Variants in DSCC1 observed in about 807,000 individuals in gnomAD.
The protein encoded by DSCC1 is DNA replication and sister chromatid cohesion 1.
DSCC1 carries 32 observed loss-of-function variants against 48.2 expected under a neutral mutation model. That is an observed-to-expected ratio of 0.66 (90% CI 0.50 to 0.89). The LOEUF is 0.89. Among genes scored for constraint, DSCC1 ranks in the 40% least tolerant of loss-of-function variants. DSCC1 has a pLI of 0.00. For missense variants in DSCC1, 421 were observed against 471.7 expected (o/e 0.89, Z 1.00); for synonymous variants, 150 against 171.5 (o/e 0.87, Z 0.98).
chr8:119,851,254 G>A (rs890622558), intron 2 of DSCC1, among the ~76,000 whole-genome samples: 1 of 152,200 alleles, frequency 6.6e-6, no homozygotes, highest in African/African-American at 2.4e-5. Context: ...TGGAAGGACA[G>A]GGGATGCTTC....
intron 4 of DSCC1, among the ~76,000 whole-genome samples, chr8:119,846,554 A>AT (rs1383628819): frequency 6.6e-6 from 1 of 152,218 alleles, no homozygotes; most frequent in Non-Finnish European, 1.5e-5. Context: ...AGAAAGACAA[A>AT]TATCACCATC....
intron 2 of DSCC1, chr8:119,852,778 A>C (rs772583901): frequency 1.4e-5 from 4 of 278,942 alleles, no homozygotes; most frequent in Non-Finnish European, 2.6e-5. Flanking sequence ...TTTTAGAATG[A>C]CTCATTGAAT....
intron 4 of DSCC1, among the ~76,000 whole-genome samples, chr8:119,846,735 T>C (rs1018983019): frequency 1.3e-5 from 2 of 152,082 alleles, no homozygotes; most frequent in African/African-American, 4.8e-5. Flanking sequence ...GCTAATTTTG[T>C]ATTTTTAGTA....
In DSCC1 at chr8:119,834,771, A is replaced by G; in HGVS notation, c.*122T>C. ...CAGTAGTTTCAAAATGCTTAAGATG[A>G]GGAGAAAAATGCCTTAGAAGACTAG... On this transcript the variant is annotated 3_prime_UTR_variant, in exon 9 of 9. Transcript: ENST00000313655. The G allele has an allele frequency of 1.5e-6, 1 of 686,096 alleles. No homozygotes were observed. The highest frequency in any genetic ancestry group is 2.6e-6 in the Non-Finnish European group (1 of 386,132). 42.5% of individuals were successfully genotyped at this position (686,096 alleles called of 1,614,324 possible).
intron 3 of DSCC1, among the ~76,000 whole-genome samples, chr8:119,847,662 TTTTTC>T (rs761472726): frequency 1.5e-4 from 8 of 53,424 alleles, no homozygotes; most frequent in Admixed American, 4.6e-4. Context: ...TTTTTTCTTC[TTTTTC>T]TTTTTTTTTT....
Position 119,838,294 on chromosome 8 carries a change from C to T in DSCC1, c.1038G>A (p.Glu346=). The T allele has an allele frequency of 6.2e-7, 1 of 1,603,566 alleles. No homozygotes were observed. Among genetic ancestry groups the T allele is most frequent in the South Asian group, 1.1e-5 (1 of 87,548 alleles). ...ERFNSLFSLR[E]KWTEEDIAPY... is the part of the protein sequence containing the mutation. ...GAGCAATATCTTCTTCTGTCCACTT[C>T]TCCCTTAGAGAGAAAAGGCTATTAA... The change falls in exon 8 of 9, where the codon GAG becomes GAA. Residue 346 remains glutamate, a synonymous_variant. Transcript: ENST00000313655.
chr8:119,850,124 A>G (rs1300451974), intron 3 of DSCC1, among the ~76,000 whole-genome samples: 1 of 152,158 alleles, frequency 6.6e-6, no homozygotes, highest in Non-Finnish European at 1.5e-5. Context: ...TACTCTAGAA[A>G]AATTAAAAAG....
At chr8:119,853,933 A>T (rs1826977284) in intron 1 of DSCC1, among the ~76,000 whole-genome samples, 1 of 152,240 alleles carries the variant, frequency 6.6e-6, no homozygotes, top group Non-Finnish European at 1.5e-5. Context: ...GAAAAGCAAG[A>T]ACGCAGTGGC....
chr8:119,849,606 T>C (rs1327142077), intron 3 of DSCC1, among the ~76,000 whole-genome samples: 1 of 152,192 alleles, frequency 6.6e-6, no homozygotes, highest in East Asian at 1.9e-4. Flanking sequence ...AAGAAAGTGG[T>C]ACTGGAAGGT....
In DSCC1 at chr8:119,838,351, T is replaced by C; in HGVS notation, c.981A>G (p.Val327=). 2 of 1,609,932 alleles carry C rather than the reference T, an allele frequency of 1.2e-6. No individual in the cohort carries two copies. Among genetic ancestry groups the C allele is most frequent in the Non-Finnish European group, 1.7e-6 (2 of 1,178,438 alleles). The change falls in exon 8 of 9, where the codon GTA becomes GTG. Residue 327 remains valine (V), a synonymous_variant. Transcript: ENST00000313655. ...CCTGATTATCCTCAGGTAAATCATC[T>C]ACTTTCAGCAAAAATATGATTTCTG... ...SRPEIIFLLK[V]DDLPEDNQER... is the part of the protein sequence containing the mutation.
rs776202365 is a variant in DSCC1, at chr8:119,838,351, T to G, written c.981A>C (p.Val327=). The change falls in exon 8 of 9, where the codon GTA becomes GTC. Residue 327 remains valine (V), a synonymous_variant. Coordinates refer to ENST00000313655, the MANE Select transcript of DSCC1 (RefSeq NM_024094.3). ...SRPEIIFLLK[V]DDLPEDNQER... ...CCTGATTATCCTCAGGTAAATCATC[T>G]ACTTTCAGCAAAAATATGATTTCTG... 1.2e-6 allele frequency: 2 copies of G among 1,609,932 alleles called. No homozygotes were observed. The highest frequency in any genetic ancestry group is 1.7e-6 in the Non-Finnish European group (2 of 1,178,438).
At position 119,844,714 on chromosome 8, in the gene DSCC1, T is replaced by C. The variant is rs572132867; in HGVS notation, c.578-967A>G. On this transcript the variant is annotated intron_variant, in intron 4 of 8. Transcript: ENST00000313655. ...TAAAGGCACATACCATGGCACCCCC[T>C]CTCTCCAGTGCTTTGACATTCAGTT... Among the ~76,000 whole-genome samples, 135 of 151,980 alleles carry C rather than the reference T, an allele frequency of 8.9e-4. 1 individual carries two copies. Among genetic ancestry groups the C allele is most frequent in the African/African-American group, 3.0e-3 (126 of 41,478 alleles).
chr8:119,842,863 A>G, intron 5 of DSCC1, 35 bp from the exon 6 acceptor site: 2 of 1,568,632 alleles, frequency 1.3e-6, no homozygotes, highest in East Asian at 2.3e-5. Context: ...GAAAAGTTAT[A>G]AGCATTTTTA....
At chr8:119,848,714 C>T (rs557608035) in intron 3 of DSCC1, among the ~76,000 whole-genome samples, 1 of 152,218 alleles carries the variant, frequency 6.6e-6, no homozygotes, top group Admixed American at 6.5e-5. Flanking sequence ...TAGAAGTTAC[C>T]CAAATGTCTA....
At position 119,855,740 on chromosome 8, in the gene DSCC1, G is replaced by C; in HGVS notation, c.56C>G (p.Ala19Gly). ...GTGCACCGCCGGCAGCAGCTCGGCC[G>C]CATTCAGCTTGGCGATCTGCAGCGT... ...DATLQIAKLNAAELLPAVHCL... is the reference protein window; with the variant it reads ...DATLQIAKLNGAELLPAVHCL... Residue 19 changes from alanine (A) to glycine (G), a missense_variant, in exon 1 of 9, where the codon GCG becomes GGG. Ala to Gly is a moderately conservative substitution (Grantham distance 60, BLOSUM62 0). Transcript: ENST00000313655. 6.3e-7 allele frequency: 1 copy of C among 1,577,940 alleles called. No individual in the cohort carries two copies. The highest frequency in any genetic ancestry group is 1.8e-5 in the Admixed American group (1 of 56,936).
chr8:119,842,097 A>T, intron 6 of DSCC1, 149 bp from the exon 7 acceptor site: 1 of 859,268 alleles, frequency 1.2e-6, no homozygotes, highest in South Asian at 1.8e-5. Flanking sequence ...TTTTTGAGAC[A>T]GAGTCTCGCT....
At chr8:119,849,706 C>A (rs1826917532) in intron 3 of DSCC1, among the ~76,000 whole-genome samples, 4 of 152,004 alleles carry the variant, frequency 2.6e-5, no homozygotes. Flanking sequence ...TGAGAATGTA[C>A]AAAAAATTAT....
chr8:119,849,166 C>A (rs1368948317), intron 3 of DSCC1, among the ~76,000 whole-genome samples: 1 of 90,904 alleles, frequency 1.1e-5, no homozygotes. Context: ...GCCTGGGCGA[C>A]AGAGCGAGAC....
At chr8:119,855,242 A>T (rs1826998599) in intron 1 of DSCC1, among the ~76,000 whole-genome samples, 2 of 152,230 alleles carry the variant, frequency 1.3e-5, no homozygotes, top group Non-Finnish European at 2.9e-5. Flanking sequence ...AATAAATATA[A>T]GTGGAAGGCA....
Sources: gnomAD v4.1 joint callset for allele counts (sites outside exome capture counted in the v4.1 genomes callset) on GRCh38, gnomAD v4.1.1 for gene constraint, MANE v1.5 for transcripts, NCBI Gene and HGNC (gene_info 2026-07-23, HGNC 2026-07-21) for gene names.